The following KCNMB2 variants were observed in gnomAD, a reference collection of about 807,000 sequenced individuals.
KCNMB2 encodes calcium-activated potassium channel subunit beta-2.
In KCNMB2, 9 loss-of-function variants were observed where a neutral mutation model predicts 24.5. The observed-to-expected ratio is 0.37, with a 90% CI of 0.22 to 0.64. The LOEUF (loss-of-function observed/expected upper bound fraction) is 0.64, where lower values mean the gene tolerates loss of function less well. Among genes scored for constraint, KCNMB2 ranks in the 30% least tolerant of loss-of-function variants. The pLI, the probability that KCNMB2 is intolerant of heterozygous loss-of-function variation, is 0.63. For missense variants in KCNMB2, 226 were observed against 284.3 expected, an observed-to-expected ratio of 0.79 and a Z score of 1.47; for synonymous variants, 109 against 104.4, an observed-to-expected ratio of 1.04 and a Z score of -0.27.
intron 1 of KCNMB2, among the ~76,000 whole-genome samples, chr3:178,742,663 C>T (rs1723532869): frequency 6.6e-6 from 1 of 152,120 alleles, no homozygotes; most frequent in Non-Finnish European, 1.5e-5. Flanking sequence ...AGCAACAAGG[C>T]AGTCATCGGA....
chr3:178,587,765 T>A (rs1346415511), intron 1 of KCNMB2, among the ~76,000 whole-genome samples: 1 of 151,654 alleles, frequency 6.6e-6, no homozygotes, highest in Non-Finnish European at 1.5e-5. Flanking sequence ...TACGTTAAGT[T>A]TTAGGGCACA....
chr3:178,648,248 A>T (rs1295543268), intron 1 of KCNMB2, among the ~76,000 whole-genome samples: 3 of 152,194 alleles, frequency 2.0e-5, no homozygotes, highest in Non-Finnish European at 4.4e-5. Context: ...GTCATAAATA[A>T]GTTGTTTTAC....
chr3:178,633,370 A>T (rs1719395544), intron 1 of KCNMB2, among the ~76,000 whole-genome samples: 1 of 152,212 alleles, frequency 6.6e-6, no homozygotes, highest in African/African-American at 2.4e-5. Context: ...CTGGACATAC[A>T]GGCATTCCTA....
At chr3:178,562,694 A>G (rs1577012267) in intron 1 of KCNMB2, among the ~76,000 whole-genome samples, 1 of 152,210 alleles carries the variant, frequency 6.6e-6, no homozygotes. Context: ...GCTGAAATAC[A>G]CAAATCTGAA....
At chr3:178,819,311 C>G (rs193234452) in intron 2 of KCNMB2, among the ~76,000 whole-genome samples, 3 of 152,072 alleles carry the variant, frequency 2.0e-5, no homozygotes, top group Non-Finnish European at 4.4e-5. Context: ...TCACTGTAAC[C>G]CTACACAGTT....
chr3:178,796,432 T>C (rs893417556), intron 1 of KCNMB2, among the ~76,000 whole-genome samples: 2 of 152,214 alleles, frequency 1.3e-5, no homozygotes, highest in Non-Finnish European at 2.9e-5. Flanking sequence ...GAACATTTCA[T>C]CCAATGGCAG....
chr3:178,661,395 A>T (rs1370894884), intron 1 of KCNMB2, among the ~76,000 whole-genome samples: 1 of 152,008 alleles, frequency 6.6e-6, no homozygotes, highest in Non-Finnish European at 1.5e-5. Flanking sequence ...ATTGATGGGC[A>T]TCTTGGTTGG....
At chr3:178,593,712 A>T (rs2108501452) in intron 1 of KCNMB2, among the ~76,000 whole-genome samples, 1 of 151,482 alleles carries the variant, frequency 6.6e-6, no homozygotes, top group South Asian at 2.1e-4. Flanking sequence ...CCCCGGCCTT[A>T]GATTGGGCTT....
intron 1 of KCNMB2, among the ~76,000 whole-genome samples, chr3:178,568,827 T>C (rs1049447212): frequency 5.1e-5 from 4 of 78,620 alleles, no homozygotes; most frequent in African/African-American, 2.0e-4. Context: ...AATAGATAGA[T>C]AGATGATAGA....
At chr3:178,710,775 T>C (rs898001825) in intron 1 of KCNMB2, among the ~76,000 whole-genome samples, 1 of 152,194 alleles carries the variant, frequency 6.6e-6, no homozygotes, top group Non-Finnish European at 1.5e-5. Flanking sequence ...TCCTTGAGGC[T>C]CTTATTAATT....
intron 1 of KCNMB2, among the ~76,000 whole-genome samples, chr3:178,540,425 G>A (rs1355129517): frequency 1.3e-5 from 2 of 152,130 alleles, no homozygotes; most frequent in Non-Finnish European, 2.9e-5. Flanking sequence ...TTGACGTTAA[G>A]TCCTACCTTC....
chr3:178,817,951 T>G (rs1375186921), intron 2 of KCNMB2, among the ~76,000 whole-genome samples: 2 of 152,222 alleles, frequency 1.3e-5, no homozygotes, highest in Admixed American at 6.5e-5. Context: ...AGCTCAGTAT[T>G]CACTGGGCCA....
intron 1 of KCNMB2, among the ~76,000 whole-genome samples, chr3:178,734,594 A>G (rs1723258986): frequency 6.6e-6 from 1 of 152,174 alleles, no homozygotes; most frequent in Non-Finnish European, 1.5e-5. Context: ...TATTTTGTCC[A>G]GTCTTTAAAT....
chr3:178,555,289 CA>C (rs1213301929), intron 1 of KCNMB2, among the ~76,000 whole-genome samples: 1 of 152,206 alleles, frequency 6.6e-6, no homozygotes, highest in Non-Finnish European at 1.5e-5. Context: ...CCTGTGCCGC[CA>C]GCTCCTGTTG....
At chr3:178,728,397 G>T (rs1723033236) in intron 1 of KCNMB2, among the ~76,000 whole-genome samples, 1 of 152,166 alleles carries the variant, frequency 6.6e-6, no homozygotes, top group Admixed American at 6.6e-5. Flanking sequence ...GGGAGAAACT[G>T]CAGAAAGGAA....
At chr3:178,833,157 C>T (rs1399283590) in intron 4 of KCNMB2, among the ~76,000 whole-genome samples, 1 of 152,102 alleles carries the variant, frequency 6.6e-6, no homozygotes, top group Non-Finnish European at 1.5e-5. Context: ...CTATGAGGAC[C>T]TATCTATTTC....
intron 1 of KCNMB2, among the ~76,000 whole-genome samples, chr3:178,693,286 T>C (rs1721751737): frequency 6.6e-6 from 1 of 152,184 alleles, no homozygotes; most frequent in Admixed American, 6.5e-5. Context: ...CCAATACTAT[T>C]TTGAATAGGA....
At chr3:178,727,676 C>T (rs1723009000) in intron 1 of KCNMB2, among the ~76,000 whole-genome samples, 1 of 152,058 alleles carries the variant, frequency 6.6e-6, no homozygotes, top group Non-Finnish European at 1.5e-5. Context: ...AGTGGGCAAC[C>T]TCTAGTAGCT....
intron 1 of KCNMB2, among the ~76,000 whole-genome samples, chr3:178,749,545 A>G (rs1273322027): frequency 6.6e-6 from 1 of 152,260 alleles, no homozygotes; most frequent in Non-Finnish European, 1.5e-5. Flanking sequence ...GAGAAAATTT[A>G]ATCTAGATAC....
Sources: gnomAD v4.1 joint callset for allele counts (sites outside exome capture counted in the v4.1 genomes callset) on GRCh38, gnomAD v4.1.1 for gene constraint, MANE v1.5 for transcripts, NCBI Gene and HGNC (gene_info 2026-07-23, HGNC 2026-07-21) for gene names.